The following DAD1 variants were observed in gnomAD, a reference collection of about 807,000 sequenced individuals.
DAD1 encodes dolichyl-diphosphooligosaccharide--protein glycosyltransferase subunit DAD1.
In DAD1, 4 loss-of-function variants were observed where a neutral mutation model predicts 9.0. The ratio of observed to expected loss-of-function variants is 0.44; its 90% CI spans 0.22 to 1.01. The LOEUF (loss-of-function observed/expected upper bound fraction) is 1.01. Among genes scored for constraint, DAD1 ranks in the 50% least tolerant of loss-of-function variants. The pLI is 0.24. For missense variants in DAD1, 119 were observed against 137.3 expected, an observed-to-expected ratio of 0.87 and a Z score of 0.67; for synonymous variants, 60 against 62.5, an observed-to-expected ratio of 0.96 and a Z score of 0.19.
At chr14:22,571,331 A>G (rs2037038346) in intron 2 of DAD1, among the ~76,000 whole-genome samples, 1 of 148,306 alleles carries the variant, frequency 6.7e-6, no homozygotes, top group Non-Finnish European at 1.5e-5. Flanking sequence ...AAAAAAAAAG[A>G]ATTTCACAAA....
chr14:22,580,209 A>G lies in DAD1; in HGVS notation c.212-4976T>C, dbSNP rs575776024. Among the ~76,000 whole-genome samples the G allele has an allele frequency of 4.5e-3, 682 of 152,120 alleles. 3 individuals are homozygous for G. Among genetic ancestry groups the G allele is most frequent in the Non-Finnish European group, 6.8e-3 (464 of 68,000 alleles). Reference sequence around the variant, plus strand: ...AAGGTGGGAGGATCGCTTGAGCCCAAGAGCTTGAGACCAGCCTGGGAAAGA... The same window carrying G: ...AAGGTGGGAGGATCGCTTGAGCCCAGGAGCTTGAGACCAGCCTGGGAAAGA... On this transcript the variant is annotated intron_variant, in intron 1 of 2. Coordinates refer to ENST00000250498, the MANE Select transcript of DAD1 (RefSeq NM_001344.4).
rs1255670984 is a variant in DAD1, at chr14:22,575,184, G to A, written c.261C>T (p.Gly87=). Residue 87 remains glycine (G), a synonymous_variant, in exon 2 of 3, where the codon GGC becomes GGT. Coordinates refer to ENST00000250498, the MANE Select transcript of DAD1 (RefSeq NM_001344.4). The part of the protein sequence containing the change: ...INPQNKADFQ[G]ISPERAFADF... ...CAGCAAAGGCTCGCTCTGGGGAGAT[G>A]CCTTGGAAATCCGCTTTGTTCTGTG... is the stretch of plus-strand genomic sequence containing the variant. 5.6e-6 allele frequency: 9 copies of A among 1,614,088 alleles called. No individual in the cohort carries two copies. Among genetic ancestry groups the A allele is most frequent in the African/African-American group, 2.7e-5 (2 of 74,932 alleles).
At chr14:22,574,417 C>T (rs557426305) in intron 2 of DAD1, among the ~76,000 whole-genome samples, 1 of 152,240 alleles carries the variant, frequency 6.6e-6, no homozygotes, top group South Asian at 2.1e-4. Context: ...TCAAAAAAAA[C>T]TCCAATTCTA....
intron 2 of DAD1, among the ~76,000 whole-genome samples, chr14:22,574,054 C>T (rs77788663): frequency 6.8e-4 from 104 of 152,222 alleles, no homozygotes; most frequent in African/African-American, 2.2e-3. Context: ...GATGAGATCT[C>T]CTAAGGTTCT....
intron 1 of DAD1, among the ~76,000 whole-genome samples, chr14:22,582,549 A>C (rs1056076925): frequency 6.6e-6 from 1 of 152,088 alleles, no homozygotes; most frequent in Non-Finnish European, 1.5e-5. Flanking sequence ...AAAAAGAAGC[A>C]GAAGAATTAC....
In DAD1 at chr14:22,589,215, C is replaced by T; in HGVS notation, c.-58G>A. ...AAACTCTTGGAGGACCCGTCGACCA[C>T]ACCGGATGTGCTGTTTGCGCATGCG... On this transcript the variant is annotated 5_prime_UTR_variant, in exon 1 of 3. The change creates a new upstream start codon in the 5' untranslated region. Coordinates refer to ENST00000250498, the MANE Select transcript of DAD1 (RefSeq NM_001344.4). The T allele has an allele frequency of 6.3e-7, 1 of 1,577,622 alleles. No homozygotes were observed. Among genetic ancestry groups the T allele is most frequent in the East Asian group, 2.2e-5 (1 of 44,596 alleles).
At chr14:22,581,736 T>C (rs1594883847) in intron 1 of DAD1, among the ~76,000 whole-genome samples, 2 of 48,390 alleles carry the variant, frequency 4.1e-5, no homozygotes, top group African/African-American at 9.2e-5. Context: ...AGAGCAAAAC[T>C]CCATCTCAAA....
chr14:22,579,703 G>A (rs1312458010), intron 1 of DAD1, among the ~76,000 whole-genome samples: 2 of 151,964 alleles, frequency 1.3e-5, no homozygotes, highest in Non-Finnish European at 2.9e-5. Flanking sequence ...AATTAAAACA[G>A]TCTAAACATC....
chr14:22,578,881 A>G (rs959377840), intron 1 of DAD1, among the ~76,000 whole-genome samples: 1 of 152,134 alleles, frequency 6.6e-6, no homozygotes, highest in Non-Finnish European at 1.5e-5. Flanking sequence ...TAACCAAAAA[A>G]CCCACAAAGC....
At chr14:22,577,556 G>A (rs979493000) in intron 1 of DAD1, among the ~76,000 whole-genome samples, 3 of 152,152 alleles carry the variant, frequency 2.0e-5, no homozygotes, top group Non-Finnish European at 4.4e-5. Flanking sequence ...GCAGAAGAAC[G>A]GATAAGCAAA....
intron 2 of DAD1, among the ~76,000 whole-genome samples, chr14:22,568,085 T>C (rs2037013028): frequency 6.6e-6 from 1 of 152,054 alleles, no homozygotes; most frequent in Non-Finnish European, 1.5e-5. Context: ...GGAAGGAATA[T>C]AAAGGTTTAG....
At chr14:22,588,836 A>T (rs768241956) in intron 1 of DAD1, 111 bp downstream of exon 1, 16 of 1,085,074 alleles carry the variant, frequency 1.5e-5, no homozygotes, top group Non-Finnish European at 2.1e-5. Context: ...AGGGCAATGC[A>T]GGCTCTTCTC....
chr14:22,574,252 G>T (rs868332968), intron 2 of DAD1, among the ~76,000 whole-genome samples: 2 of 152,098 alleles, frequency 1.3e-5, no homozygotes, highest in Admixed American at 1.3e-4. Flanking sequence ...GGCCTCTGTT[G>T]TCTCATATAT....
intron 1 of DAD1, among the ~76,000 whole-genome samples, chr14:22,579,864 G>T (rs1434278614): frequency 8.3e-6 from 1 of 120,360 alleles, no homozygotes; most frequent in African/African-American, 3.3e-5. Flanking sequence ...TTTTGAGACA[G>T]GGTCTCACTC....
chr14:22,584,904 G>A (rs2037142280), intron 1 of DAD1, among the ~76,000 whole-genome samples: 1 of 152,288 alleles, frequency 6.6e-6, no homozygotes, highest in Admixed American at 6.5e-5. Flanking sequence ...CGGAAGGCCA[G>A]TAAGGAGGAT....
Position 22,565,015 on chromosome 14 carries a change from A to G in DAD1, c.*167T>C. On this transcript the variant is annotated 3_prime_UTR_variant, in exon 3 of 3. Transcript: ENST00000250498. ...TAGAAAGTTGTTCTGACACACAGTG[A>G]ACTCTGGGCTTTTCTCCTGCATAAA... 3 of 667,590 alleles carry G rather than the reference A, an allele frequency of 4.5e-6. No homozygotes were observed. The highest frequency in any genetic ancestry group is 8.2e-6 in the Non-Finnish European group (3 of 368,034). The allele number at this position is 667,590 out of a possible 1,614,324, so 41.4% of individuals were successfully genotyped here. A position where few individuals can be genotyped will look rare whatever the true frequency, so the allele number is the denominator to read the frequency against.
intron 1 of DAD1, among the ~76,000 whole-genome samples, chr14:22,576,024 G>C (rs8019706): frequency 6.6e-6 from 1 of 151,924 alleles, no homozygotes; most frequent in African/African-American, 2.4e-5. Flanking sequence ...CTGGGATGCA[G>C]CCACACAGAG....
At position 22,588,999 on chromosome 14, in the gene DAD1, G is replaced by T. The variant is rs1319835740; in HGVS notation, c.159C>A (p.Phe53Leu). Residue 53 changes from phenylalanine (F) to leucine (L), a missense_variant, in exon 1 of 3, where the codon TTC becomes TTA. By Grantham distance (22) the Phe-to-Leu change is conservative (BLOSUM62 0). Transcript: ENST00000250498. ...GYCLLVGTFP[F>L]NSFLSGFISC... is the part of the protein sequence containing the mutation. ...AGATGAAGCCCGAGAGAAAAGAGTT[G>T]AAGGGGAAGGTCCCCACGAGGAGAC... 6.2e-7 allele frequency: 1 copy of T among 1,614,232 alleles called. No individual in the cohort carries two copies. Among genetic ancestry groups the T allele is most frequent in the South Asian group, 1.1e-5 (1 of 91,088 alleles).
At chr14:22,566,203 C>A (rs1024973679) in intron 2 of DAD1, among the ~76,000 whole-genome samples, 4 of 152,214 alleles carry the variant, frequency 2.6e-5, no homozygotes, top group Non-Finnish European at 4.4e-5. Flanking sequence ...AAAGAAAGAG[C>A]AATAACAGGA....
Sources: allele counts gnomAD v4.1 joint callset (sites outside exome capture counted in the v4.1 genomes callset), GRCh38; gene constraint gnomAD v4.1.1; transcripts MANE v1.5; gene names NCBI Gene and HGNC (gene_info 2026-07-23, HGNC 2026-07-21).